ITPA: variants seen among roughly 807,000 people sequenced by gnomAD.
ITPA encodes inosine triphosphate pyrophosphatase.
Under a neutral mutation model 29.6 loss-of-function variants are expected in ITPA, and 29 were observed. The ratio of observed to expected loss-of-function variants is 0.98; its 90% confidence interval spans 0.73 to 1.34. The LOEUF is 1.34. ITPA is among the 40% of genes most tolerant of loss of function. ITPA has a pLI of 0.00. For synonymous variants in ITPA, 103 were observed against 99.3 expected (o/e 1.04, Z -0.22); for missense variants, 241 against 251.5 (o/e 0.96, Z 0.28).
intron 4 of ITPA, 108 bp downstream of exon 4, chr20:3,214,166 C>G: frequency 2.1e-6 from 2 of 950,986 alleles, no homozygotes; most frequent in South Asian, 2.7e-5. Flanking sequence ...TTAGCATCAA[C>G]AGCCTTTCAC....
Position 3,223,348 on chromosome 20 carries a change from G to GCTA in ITPA, c.489-15_489-13dup. 6.2e-7 allele frequency: 1 copy of GCTA among 1,601,054 alleles called. No homozygotes were observed. The highest frequency in any genetic ancestry group is 8.6e-7 in the Non-Finnish European group (1 of 1,169,326). Reference sequence around the variant, plus strand: ...TTCCTGAATCTGGGCTCCCTGAGCTGCTACTGTCACCCCTCAGGTACGCAG... The same window carrying GCTA: ...TTCCTGAATCTGGGCTCCCTGAGCTGCTACTACTGTCACCCCTCAGGTACGCAG... On this transcript the variant is annotated splice_polypyrimidine_tract_variant and intron_variant, in intron 7 of 7. Transcript: ENST00000380113.
At position 3,209,724 on chromosome 20, in the gene ITPA, G is replaced by A. The variant is rs1216324076; in HGVS notation, c.66+107G>A. 1 of 907,052 alleles carries A rather than the reference G, an allele frequency of 1.1e-6. No homozygotes were observed. Among genetic ancestry groups the A allele is most frequent in the African/African-American group, 1.6e-5 (1 of 60,776 alleles). 56.2% of individuals were successfully genotyped at this position (907,052 alleles called of 1,614,324 possible). A position where few individuals can be genotyped will look rare whatever the true frequency, so the allele number is the denominator to read the frequency against. On this transcript the variant is annotated intron_variant, in intron 1 of 7. Coordinates refer to ENST00000380113, the MANE Select transcript of ITPA (RefSeq NM_033453.4). This position sits in a 1 kb window ranked among gnomAD's most constrained non-coding sequence, Gnocchi z 4.6. ...TGGGAGGAGGCATGGAGAGAGAACA[G>A]AATTCAGCCCGGAAGAATGGGTCCT...
intron 5 of ITPA, among the ~76,000 whole-genome samples, chr20:3,216,539 C>G (rs1394997659): frequency 6.6e-6 from 1 of 150,378 alleles, no homozygotes; most frequent in African/African-American, 2.5e-5. Context: ...CTACAACCTC[C>G]GCCTCCCGGG....
rs574223981 is a variant in ITPA, at chr20:3,214,477, C to T, written c.263+419C>T. ...CACCTGCCAGGCTCAGGTGATCTTC[C>T]CACCTCAGCCTCCTGGGTAACTGGG... On this transcript the variant is annotated intron_variant, in intron 4 of 7. Coordinates refer to ENST00000380113, the MANE Select transcript of ITPA (RefSeq NM_033453.4). Among the ~76,000 whole-genome samples, 69 of 151,388 alleles carry T rather than the reference C, an allele frequency of 4.6e-4. 3 individuals carry two copies. In the South Asian group the frequency reaches 0.014, roughly 31 times the overall value.
chr20:3,216,351 G>GA (rs2067298703), intron 5 of ITPA, among the ~76,000 whole-genome samples: 1 of 149,456 alleles, frequency 6.7e-6, no homozygotes, highest in African/African-American at 2.5e-5. Context: ...GTAGCGTTGG[G>GA]ATTTCACCAT....
At chr20:3,211,641 T>A (rs1257159395) in intron 1 of ITPA, among the ~76,000 whole-genome samples, 1 of 152,184 alleles carries the variant, frequency 6.6e-6, no homozygotes, top group African/African-American at 2.4e-5. Flanking sequence ...TACAGGTGTG[T>A]GCCACCACAC....
At chr20:3,215,559 A>G (rs1398996436) in intron 5 of ITPA, among the ~76,000 whole-genome samples, 1 of 152,198 alleles carries the variant, frequency 6.6e-6, no homozygotes, top group Non-Finnish European at 1.5e-5. Context: ...CTGGGTTTCA[A>G]GAGGAACTTG....
upstream of ITPA, chr20:3,204,721 C>A (rs1310786973): frequency 1.6e-6 from 2 of 1,242,808 alleles, no homozygotes; most frequent in Non-Finnish European, 2.2e-6. Flanking sequence ...CCGCCCACTA[C>A]TCGGAGCCCC....
intron 6 of ITPA, among the ~76,000 whole-genome samples, chr20:3,220,839 A>G (rs2067445290): frequency 6.6e-6 from 1 of 152,026 alleles, no homozygotes; most frequent in African/African-American, 2.4e-5. Context: ...TACAGGCGTG[A>G]GCTACCACAC....
In ITPA at chr20:3,221,888, C is replaced by G; in HGVS notation, c.459C>G (p.Pro153=). 1.2e-6 allele frequency: 2 copies of G among 1,614,078 alleles called. No individual in the cohort carries two copies. Among genetic ancestry groups the G allele is most frequent in the African/African-American group, 2.7e-5 (2 of 75,066 alleles). ...GCTGCCAGGACTTTGGCTGGGACCCCTGCTTTCAGCCTGATGGATATGAGC... is the reference window on the plus strand; with the variant it reads ...GCTGCCAGGACTTTGGCTGGGACCCGTGCTTTCAGCCTGATGGATATGAGC... ...PRGCQDFGWD[P]CFQPDGYEQT... Residue 153 remains proline (P), a synonymous_variant, in exon 7 of 8, where the codon CCC becomes CCG. Coordinates refer to ENST00000380113, the MANE Select transcript of ITPA (RefSeq NM_033453.4).
intron 4 of ITPA, 169 bp from the exon 5 acceptor site, chr20:3,215,112 C>A: frequency 1.5e-6 from 1 of 669,000 alleles, no homozygotes; most frequent in Non-Finnish European, 2.7e-6. Context: ...AGCGATCCGC[C>A]TGCCTTAGCC....
chr20:3,210,965 C>T (rs2067156759), intron 1 of ITPA, among the ~76,000 whole-genome samples: 2 of 150,988 alleles, frequency 1.3e-5, no homozygotes, highest in Non-Finnish European at 2.9e-5. Flanking sequence ...ACAGGAGAAT[C>T]GCTTGAACCT....
Position 3,213,929 on chromosome 20 carries a change from G to A in ITPA, c.190-56G>A, listed in dbSNP as rs527633799. On this transcript the variant is annotated intron_variant, in intron 3 of 7. Coordinates refer to ENST00000380113, the MANE Select transcript of ITPA (RefSeq NM_033453.4). ...CCTGGGTGACGCGGGTGACCTGGAC[G>A]TTCCAGGTGGGGATGGTGATCATGG... 2.7e-5 allele frequency: 43 copies of A among 1,568,136 alleles called. No individual in the cohort carries two copies. In the African/African-American group the frequency reaches 3.6e-4, roughly 13 times the overall value.
rs2067519417 is a variant in ITPA at position 3,223,437 on chromosome 20, A to G, written c.560A>G (p.Glu187Gly). The part of the protein sequence containing the change: ...HRFRALLELQ[E>G]YFGSLAA ...TTCCGGGCCCTGCTGGAGCTGCAGG[A>G]GTACTTTGGCAGTTTGGCAGCTTGA... Residue 187 changes from glutamate (E) to glycine (G), a missense_variant, in exon 8 of 8, where the codon GAG becomes GGG. Coordinates refer to ENST00000380113, the MANE Select transcript of ITPA (RefSeq NM_033453.4). The G allele has an allele frequency of 6.2e-7, 1 of 1,613,602 alleles. No homozygotes were observed. The highest frequency in any genetic ancestry group is 8.5e-7 in the Non-Finnish European group (1 of 1,179,894).
At chr20:3,204,889 C>G (rs1434257905), upstream of ITPA, among the ~76,000 whole-genome samples, 2 of 151,614 alleles carry the variant, frequency 1.3e-5, no homozygotes, top group African/African-American at 2.4e-5. Flanking sequence ...GAGTCTCTGT[C>G]GCACAGGCTG....
intron 5 of ITPA, among the ~76,000 whole-genome samples, chr20:3,217,896 G>A (rs563645650): frequency 2.9e-4 from 42 of 146,834 alleles, no homozygotes; most frequent in South Asian, 1.7e-3. Flanking sequence ...CAGTTGGTTA[G>A]TTTTTGTGGG....
At chr20:3,225,987 C>G (rs6139037), downstream of ITPA, among the ~76,000 whole-genome samples, 40,094 of 152,190 alleles carry the variant, frequency 0.26, 5,935 homozygotes, top group South Asian at 0.5. Context: ...CGAGATCACG[C>G]CCTTGCACAC....
rs2067518961 is a variant in ITPA, at chr20:3,223,424, C to A, written c.547C>A (p.Leu183Met). Reference sequence around the variant, plus strand: ...TGTCTCCCATCGCTTCCGGGCCCTGCTGGAGCTGCAGGAGTACTTTGGCAG... The same window carrying A: ...TGTCTCCCATCGCTTCCGGGCCCTGATGGAGCTGCAGGAGTACTTTGGCAG... Reference protein sequence around the residue: ...NAVSHRFRALLELQEYFGSLA... With the variant: ...NAVSHRFRALMELQEYFGSLA... Residue 183 changes from leucine (L) to methionine (M), a missense_variant, in exon 8 of 8, where the codon CTG (leucine) becomes ATG (methionine). Physicochemically the swap from Leu to Met is conservative, Grantham distance 15. Coordinates refer to ENST00000380113, the MANE Select transcript of ITPA (RefSeq NM_033453.4). 1.9e-6 allele frequency: 3 copies of A among 1,613,856 alleles called. No individual in the cohort carries two copies. The highest frequency in any genetic ancestry group is 1.1e-5 in the South Asian group (1 of 91,000).
chr20:3,208,439 G>A (rs1192521940), upstream of ITPA, among the ~76,000 whole-genome samples: 2 of 152,064 alleles, frequency 1.3e-5, no homozygotes, highest in African/African-American at 2.4e-5. Flanking sequence ...CCGATGGCAC[G>A]ATCTCCGCTC....
Sources: allele counts gnomAD v4.1 joint callset (sites outside exome capture counted in the v4.1 genomes callset), GRCh38; gene constraint gnomAD v4.1.1; non-coding constraint Gnocchi (gnomAD v3.1); transcripts MANE v1.5; gene names NCBI Gene and HGNC (gene_info 2026-07-23, HGNC 2026-07-21).